Variants in PARD3 observed in about 807,000 individuals in gnomAD.
PARD3 encodes par-3 family cell polarity regulator, also known as partitioning defective 3 homolog.
PARD3 carries 75 observed loss-of-function variants against 155.4 expected under a neutral mutation model. The observed-to-expected ratio is 0.48, with a 90% CI of 0.40 to 0.58. The LOEUF is 0.58. PARD3 is among the 20% of genes least tolerant of loss of function. PARD3 has a pLI of 0.00. For missense variants in PARD3, 1,642 were observed against 1,721.7 expected, an observed-to-expected ratio of 0.95 and a Z score of 0.82; for synonymous variants, 576 against 610.5, an observed-to-expected ratio of 0.94 and a Z score of 0.83.
At chr10:34,423,618 A>T in intron 5 of PARD3, among the ~76,000 whole-genome samples, 1 of 152,300 alleles carries the variant, frequency 6.6e-6, no homozygotes, top group South Asian at 2.1e-4. Context: ...TTGAAAAGGA[A>T]TAATTCTTGT....
chr10:34,808,206 T>C (rs911868627), intron 1 of PARD3, among the ~76,000 whole-genome samples: 2 of 151,942 alleles, frequency 1.3e-5, no homozygotes, highest in Non-Finnish European at 2.9e-5. Flanking sequence ...CCCAGCTACT[T>C]GGGGGACTGA....
intron 4 of PARD3, among the ~76,000 whole-genome samples, chr10:34,466,742 G>A (rs2078030418): frequency 6.6e-6 from 1 of 152,154 alleles, no homozygotes; most frequent in African/African-American, 2.4e-5. Context: ...TGAATGCTTT[G>A]TACCTAAGCA....
chr10:34,350,031 T>C (rs941459097), intron 14 of PARD3, among the ~76,000 whole-genome samples: 3 of 152,228 alleles, frequency 2.0e-5, no homozygotes, highest in African/African-American at 7.2e-5. Flanking sequence ...CCTACCTCTC[T>C]ACCCATATTT....
At chr10:34,595,513 A>G (rs1207264034) in intron 2 of PARD3, among the ~76,000 whole-genome samples, 1 of 152,224 alleles carries the variant, frequency 6.6e-6, no homozygotes, top group Non-Finnish European at 1.5e-5. Context: ...TGATTTCACT[A>G]CATTTTCTTA....
chr10:34,589,592 C>G (rs2088453710), intron 2 of PARD3, among the ~76,000 whole-genome samples: 1 of 130,030 alleles, frequency 7.7e-6, no homozygotes, highest in African/African-American at 3.0e-5. Context: ...TAGTCTGTGG[C>G]ACTTTCTTAT....
intron 2 of PARD3, among the ~76,000 whole-genome samples, chr10:34,610,170 A>G (rs934177097): frequency 2.0e-5 from 3 of 152,188 alleles, no homozygotes; most frequent in African/African-American, 7.2e-5. Flanking sequence ...TGGAAGTAAT[A>G]TTAAATATAT....
At chr10:34,541,241 A>T (rs1564825179) in intron 2 of PARD3, among the ~76,000 whole-genome samples, 1 of 152,340 alleles carries the variant, frequency 6.6e-6, no homozygotes, top group East Asian at 1.9e-4. Context: ...CTGATATTTC[A>T]CACATGGTAT....
chr10:34,111,950 G>C (rs16935081), intron 24 of PARD3, among the ~76,000 whole-genome samples: 18 of 152,108 alleles, frequency 1.2e-4, no homozygotes, highest in African/African-American at 4.3e-4. Context: ...ATAATTGCTC[G>C]CTTTAGAACA....
rs58224479 is a variant in PARD3 at position 34,356,665 on chromosome 10, A to T, written c.2067+2482T>A. Among the ~76,000 whole-genome samples the T allele has an allele frequency of 3.7e-3, 558 of 152,320 alleles. 1 individual carries two copies. The highest frequency in any genetic ancestry group is 0.012 in the African/African-American group (519 of 41,584). On this transcript the variant is annotated intron_variant, in intron 14 of 24. Transcript: ENST00000374788. ...ATGCCCTGTGCTTATATCAATATTT[A>T]CTATAACATAATTTACACATACCCT...
intron 20 of PARD3, among the ~76,000 whole-genome samples, chr10:34,285,129 T>C (rs1213632359): frequency 6.6e-6 from 1 of 152,222 alleles, no homozygotes; most frequent in Non-Finnish European, 1.5e-5. Context: ...TTGTCTGTAA[T>C]GCACTGGTCA....
At chr10:34,230,384 C>T (rs1361670405) in intron 22 of PARD3, among the ~76,000 whole-genome samples, 2 of 152,168 alleles carry the variant, frequency 1.3e-5, no homozygotes, top group Non-Finnish European at 2.9e-5. Context: ...AGGCAGATTC[C>T]GTTCTAAACT....
intron 2 of PARD3, among the ~76,000 whole-genome samples, chr10:34,620,698 G>T (rs1321849364): frequency 6.6e-6 from 1 of 152,154 alleles, no homozygotes; most frequent in East Asian, 1.9e-4. Flanking sequence ...TGCAATTTCA[G>T]GATGCTCTTT....
intron 22 of PARD3, among the ~76,000 whole-genome samples, chr10:34,259,900 G>A (rs1954866114): frequency 6.6e-6 from 1 of 152,126 alleles, no homozygotes; most frequent in African/African-American, 2.4e-5. Flanking sequence ...GAGAACATTG[G>A]TACAACAACC....
At chr10:34,233,734 G>C (rs771412666) in intron 22 of PARD3, among the ~76,000 whole-genome samples, 1 of 151,934 alleles carries the variant, frequency 6.6e-6, no homozygotes, top group East Asian at 1.9e-4. Flanking sequence ...TCGCTCTCTC[G>C]TCTATTTATT....
intron 23 of PARD3, among the ~76,000 whole-genome samples, chr10:34,126,145 A>G (rs1213425456): frequency 6.6e-6 from 1 of 152,154 alleles, no homozygotes; most frequent in Non-Finnish European, 1.5e-5. Context: ...CTCTTGCTCA[A>G]CTTGGGAGAG....
Position 34,453,169 on chromosome 10 carries a change from C to T in PARD3, c.583-2721G>A, listed in dbSNP as rs1016937375. ...GCTTACTGTACCACACAAACTTCTT[C>T]ACCTTCATTCTTGCTTTTTTTGAGA... On this transcript the variant is annotated intron_variant, in intron 4 of 24. Coordinates refer to ENST00000374788, the MANE Select transcript of PARD3 (RefSeq NM_001184785.2). 2.6e-5 allele frequency among the ~76,000 whole-genome samples: 4 copies of T among 152,214 alleles called. No homozygotes were observed. In the South Asian group the frequency reaches 8.3e-4, roughly 32 times the overall value.
chr10:34,548,427 C>T (rs2084279268), intron 2 of PARD3, among the ~76,000 whole-genome samples: 1 of 152,048 alleles, frequency 6.6e-6, no homozygotes, highest in African/African-American at 2.4e-5. Context: ...TGAACCCAGG[C>T]AGCAGAGGTT....
chr10:34,710,000 G>A (rs528551606), intron 1 of PARD3, among the ~76,000 whole-genome samples: 8 of 152,142 alleles, frequency 5.3e-5, no homozygotes, highest in Non-Finnish European at 8.8e-5. Context: ...TTTTTGGAGA[G>A]GCGGGGGGAC....
chr10:34,258,606 G>A lies in PARD3; in HGVS notation c.3419+11051C>T, dbSNP rs189124085. Among the ~76,000 whole-genome samples the A allele has an allele frequency of 3.4e-3, 512 of 152,264 alleles. 2 individuals are homozygous for A. The highest frequency in any genetic ancestry group is 0.022 in the South Asian group (105 of 4,822). On this transcript the variant is annotated intron_variant, in intron 22 of 24. Transcript: ENST00000374788. ...GAGAAATCTGGGGCTTATAAAGAGA[G>A]AACTGGGCTAGTGAGATCAGGCATC...
Sources: gnomAD v4.1 joint callset for allele counts (sites outside exome capture counted in the v4.1 genomes callset) on GRCh38, gnomAD v4.1.1 for gene constraint, MANE v1.5 for transcripts, NCBI Gene and HGNC (gene_info 2026-07-23, HGNC 2026-07-21) for gene names.